EPS15L1: variants seen among roughly 807,000 people sequenced by gnomAD.
EPS15L1 encodes the protein epidermal growth factor receptor substrate 15-like 1.
A neutral mutation model predicts 117.1 loss-of-function variants in EPS15L1; 43 were observed. That is an observed-to-expected ratio of 0.37 (90% CI 0.29 to 0.47). EPS15L1 has a LOEUF of 0.47. Among genes scored for constraint, EPS15L1 ranks in the 20% least tolerant of loss-of-function variants. The pLI is 0.99. For missense variants in EPS15L1, 981 were observed against 1,164.0 expected (o/e 0.84, Z 2.29); for synonymous variants, 459 against 470.5 (o/e 0.98, Z 0.32).
chr19:16,457,446 C>A (rs1010238461), intron 1 of EPS15L1, among the ~76,000 whole-genome samples: 1 of 152,148 alleles, frequency 6.6e-6, no homozygotes, highest in Non-Finnish European at 1.5e-5. Flanking sequence ...CTCAGTCAAG[C>A]GAGGCTGTGG....
chr19:16,382,782 G>T (rs997096113), intron 21 of EPS15L1, among the ~76,000 whole-genome samples: 1 of 151,964 alleles, frequency 6.6e-6, no homozygotes, highest in South Asian at 2.1e-4. Flanking sequence ...GGTGAGGGTG[G>T]GGCCTCAACT....
Position 16,471,856 on chromosome 19 carries a change from A to C in EPS15L1, c.33+57T>G, listed in dbSNP as rs1285056924. 2 of 1,106,142 alleles carry C rather than the reference A, an allele frequency of 1.8e-6. No homozygotes were observed. Among genetic ancestry groups the C allele is most frequent in the Non-Finnish European group, 2.3e-6 (2 of 851,762 alleles). 68.5% of individuals were successfully genotyped at this position (1,106,142 alleles called of 1,614,324 possible). On this transcript the variant is annotated intron_variant, in intron 1 of 23. Coordinates refer to ENST00000455140, the MANE Select transcript of EPS15L1 (RefSeq NM_001258374.3). The surrounding 1 kb of genome is among the most constrained non-coding windows in gnomAD (Gnocchi z 4.8). ...TCTCCCAGCGCCTCAGCCTCGCCGCACCGCTCGCCTCGCGCCCCGCACCCC... is the reference window on the plus strand; with the variant it reads ...TCTCCCAGCGCCTCAGCCTCGCCGCCCCGCTCGCCTCGCGCCCCGCACCCC...
intron 1 of EPS15L1, among the ~76,000 whole-genome samples, chr19:16,450,925 C>T (rs889722183): frequency 6.6e-6 from 1 of 151,988 alleles, no homozygotes; most frequent in Non-Finnish European, 1.5e-5. Context: ...GCAAATGTTG[C>T]TTCAGAGGAA....
intron 4 of EPS15L1, 93 bp downstream of exon 4, chr19:16,440,769 G>C: frequency 9.0e-7 from 1 of 1,116,282 alleles, no homozygotes; most frequent in Non-Finnish European, 1.4e-6. Context: ...AGTAATACTT[G>C]ACAGTGGAGG....
Position 16,439,073 on chromosome 19 carries a change from T to C in EPS15L1, c.214-1208A>G, listed in dbSNP as rs1263317162. ...GGGATCACTTAGCTTGTTTTTTTTC[T>C]GTTTTTTTTTTTTTTTATTAACTGG... On this transcript the variant is annotated intron_variant, in intron 4 of 23. Transcript: ENST00000455140. Among the ~76,000 whole-genome samples, 3 of 150,214 alleles carry C rather than the reference T, an allele frequency of 2.0e-5. No homozygotes were observed. In the East Asian group the frequency reaches 5.8e-4, roughly 29 times the overall value.
chr19:16,382,115 T>G (rs991191527), intron 21 of EPS15L1, among the ~76,000 whole-genome samples: 18 of 152,162 alleles, frequency 1.2e-4, no homozygotes, highest in African/African-American at 4.3e-4. Flanking sequence ...CGGGGACACC[T>G]CGGGCCAAGC....
At chr19:16,429,870 T>C (rs2092911455) in intron 7 of EPS15L1, among the ~76,000 whole-genome samples, 1 of 152,260 alleles carries the variant, frequency 6.6e-6, no homozygotes, top group Non-Finnish European at 1.5e-5. Context: ...ACCTCAGCAC[T>C]ACTGCCTGTT....
intron 1 of EPS15L1, among the ~76,000 whole-genome samples, chr19:16,467,462 T>C (rs769725417): frequency 1.3e-5 from 2 of 152,040 alleles, no homozygotes; most frequent in Non-Finnish European, 2.9e-5. Flanking sequence ...GAAAGTTGTT[T>C]TAAAGTTCAG....
chr19:16,369,892 G>A (rs747406251), intron 22 of EPS15L1, among the ~76,000 whole-genome samples: 59 of 152,222 alleles, frequency 3.9e-4, no homozygotes, highest in Non-Finnish European at 6.9e-4. Context: ...CCTCTGGGGG[G>A]ATTTCCAGGG....
intron 7 of EPS15L1, among the ~76,000 whole-genome samples, chr19:16,433,456 T>C (rs75194941): frequency 0.023 from 3,500 of 152,164 alleles, 59 homozygotes; most frequent in Non-Finnish European, 0.035. Context: ...AGAGAATGCA[T>C]AAAATTTTTC....
intron 12 of EPS15L1, 100 bp downstream of exon 12, chr19:16,417,452 G>A (rs1240061608): frequency 1.0e-6 from 1 of 990,594 alleles, no homozygotes; most frequent in Non-Finnish European, 1.5e-6. Context: ...ATAAACCTGT[G>A]ATGAGCAAAC....
intron 21 of EPS15L1, among the ~76,000 whole-genome samples, chr19:16,384,568 C>G (rs2092399024): frequency 6.6e-6 from 1 of 152,214 alleles, no homozygotes; most frequent in Admixed American, 6.5e-5. Context: ...ACAGTGAGTT[C>G]AGGTCACCGT....
intron 22 of EPS15L1, among the ~76,000 whole-genome samples, chr19:16,363,992 C>G (rs1383180931): frequency 6.6e-6 from 1 of 152,238 alleles, no homozygotes; most frequent in African/African-American, 2.4e-5. Flanking sequence ...CAGGGTTCCA[C>G]CGGGGTCGCC....
At chr19:16,419,337 T>A (rs35225493) in intron 10 of EPS15L1, among the ~76,000 whole-genome samples, 4,242 of 152,196 alleles carry the variant, frequency 0.028, 218 homozygotes, top group African/African-American at 0.096. Context: ...CGCGCGCCTG[T>A]AATCCCAGCT....
At chr19:16,410,335 G>A (rs898493291) in intron 13 of EPS15L1, among the ~76,000 whole-genome samples, 1 of 152,162 alleles carries the variant, frequency 6.6e-6, no homozygotes, top group Non-Finnish European at 1.5e-5. Context: ...CACCCACCAC[G>A]ACGGCTAGAA....
At chr19:16,455,645 T>C (rs1314728611) in intron 1 of EPS15L1, among the ~76,000 whole-genome samples, 2 of 152,218 alleles carry the variant, frequency 1.3e-5, no homozygotes, top group African/African-American at 2.4e-5. Context: ...AAATGTGGAT[T>C]TGAGTCCTGT....
chr19:16,394,775 C>A (rs1255865531), intron 17 of EPS15L1, among the ~76,000 whole-genome samples: 3 of 152,102 alleles, frequency 2.0e-5, no homozygotes, highest in Admixed American at 6.6e-5. Flanking sequence ...AATTTATTAA[C>A]CTGCTGAGGG....
intron 1 of EPS15L1, among the ~76,000 whole-genome samples, chr19:16,455,550 TC>T (rs1380056155): frequency 6.7e-6 from 1 of 149,824 alleles, no homozygotes; most frequent in Non-Finnish European, 1.5e-5. Context: ...ACTGCCCAGC[TC>T]CATCTACACC....
At chr19:16,367,753 C>CTAA in intron 22 of EPS15L1, among the ~76,000 whole-genome samples, 1 of 50,724 alleles carries the variant, frequency 2.0e-5, no homozygotes, top group East Asian at 5.3e-4. Context: ...GGGTGCAAAG[C>CTAA]AAAAAAAAAA....
Sources: gnomAD v4.1 joint callset for allele counts (sites outside exome capture counted in the v4.1 genomes callset) on GRCh38, gnomAD v4.1.1 for gene constraint, Gnocchi (gnomAD v3.1) non-coding constraint, MANE v1.5 for transcripts, NCBI Gene and HGNC (gene_info 2026-07-23, HGNC 2026-07-21) for gene names.